DAB1: variants seen among roughly 807,000 people sequenced by gnomAD.
DAB1 encodes the protein DAB adaptor protein 1.
Under a neutral mutation model 64.6 loss-of-function variants are expected in DAB1, and 15 were observed. That is an observed-to-expected ratio of 0.23 (90% CI 0.16 to 0.36). The LOEUF is 0.36. Ranked by LOEUF, DAB1 falls within the 10% of genes least tolerant of loss-of-function variation. DAB1 has a pLI of 1.00. For synonymous variants in DAB1, 235 were observed against 251.9 expected (o/e 0.93, Z 0.64); for missense variants, 596 against 706.7 (o/e 0.84, Z 1.78).
At chr1:57,417,854 C>T (rs1684605561) in intron 1 of DAB1, among the ~76,000 whole-genome samples, 1 of 152,320 alleles carries the variant, frequency 6.6e-6, no homozygotes, top group African/African-American at 2.4e-5. Flanking sequence ...ATCCTTCATG[C>T]TTGCATGACT....
intron 5 of DAB1, among the ~76,000 whole-genome samples, chr1:57,892,106 G>C (rs1557540599): frequency 6.6e-6 from 1 of 152,070 alleles, no homozygotes; most frequent in Non-Finnish European, 1.5e-5. Flanking sequence ...GTATAAATTC[G>C]ATATTTAAAA....
intron 1 of DAB1, among the ~76,000 whole-genome samples, chr1:57,361,015 G>GC (rs974511918): frequency 7.9e-5 from 12 of 152,106 alleles, no homozygotes; most frequent in Middle Eastern, 3.4e-3. Context: ...TAGGAGAGAG[G>GC]CCCCCCTTTA....
At chr1:57,503,123 T>C (rs1570578575) in intron 7 of DAB1, among the ~76,000 whole-genome samples, 1 of 152,226 alleles carries the variant, frequency 6.6e-6, no homozygotes, top group South Asian at 2.1e-4. Flanking sequence ...CTCTTGCAGA[T>C]GAATGCTGCT....
chr1:58,300,648 GGA>G (rs1197437609), intron 4 of DAB1, among the ~76,000 whole-genome samples: 1,434 of 51,290 alleles, frequency 0.028, 70 homozygotes, highest in African/African-American at 0.075. Flanking sequence ...GAGAGAGAGA[GGA>G]AGGAAGGAAG....
At chr1:57,450,938 A>T (rs1686326320) in intron 7 of DAB1, among the ~76,000 whole-genome samples, 1 of 152,216 alleles carries the variant, frequency 6.6e-6, no homozygotes, top group African/African-American at 2.4e-5. Context: ...TCTCACAGTT[A>T]ACATGTGCAA....
At chr1:57,335,797 C>T (rs534557807) in intron 1 of DAB1, among the ~76,000 whole-genome samples, 3 of 152,312 alleles carry the variant, frequency 2.0e-5, no homozygotes, top group Admixed American at 2.0e-4. Context: ...ACCTTTTAGT[C>T]AATCTGGCCC....
intron 6 of DAB1, among the ~76,000 whole-genome samples, chr1:57,690,543 T>C (rs925689873): frequency 2.6e-5 from 4 of 152,320 alleles, no homozygotes; most frequent in Admixed American, 6.5e-5. Flanking sequence ...TCCCAAGCCA[T>C]GCTACTTGCA....
chr1:57,247,539 T>C (rs973556358), intron 2 of DAB1, among the ~76,000 whole-genome samples: 1 of 152,184 alleles, frequency 6.6e-6, no homozygotes, highest in East Asian at 1.9e-4. Context: ...CAGACTAATA[T>C]AAGCTCCTAT....
intron 2 of DAB1, among the ~76,000 whole-genome samples, chr1:58,516,917 G>A (rs1413038071): frequency 1.3e-5 from 2 of 152,168 alleles, no homozygotes; most frequent in Admixed American, 1.3e-4. Flanking sequence ...TGCTACAGAG[G>A]AAGCCAGGCT....
intron 5 of DAB1, among the ~76,000 whole-genome samples, chr1:58,127,838 T>TC (rs1653234530): frequency 3.3e-5 from 5 of 152,114 alleles, no homozygotes; most frequent in Non-Finnish European, 7.4e-5. Context: ...TTGGTACCAG[T>TC]ACCATGCTGT....
chr1:57,562,895 T>C (rs959828024), intron 7 of DAB1, among the ~76,000 whole-genome samples: 16 of 152,168 alleles, frequency 1.1e-4, no homozygotes, highest in African/African-American at 3.9e-4. Context: ...GCTGGGGTGA[T>C]TGACCCAGAC....
intron 4 of DAB1, among the ~76,000 whole-genome samples, chr1:58,170,619 CAG>C (rs1417720111): frequency 1.3e-5 from 2 of 152,142 alleles, no homozygotes; most frequent in Non-Finnish European, 2.9e-5. Context: ...CTTGGTGGTT[CAG>C]AGAGGACAGT....
chr1:57,573,622 T>C (rs79664997), intron 7 of DAB1, among the ~76,000 whole-genome samples: 1,815 of 152,304 alleles, frequency 0.012, 51 homozygotes, highest in African/African-American at 0.042. Context: ...TAACTATGTC[T>C]GATAAGTATT....
chr1:57,777,500 T>TA (rs1434324091), intron 6 of DAB1, among the ~76,000 whole-genome samples: 3 of 151,968 alleles, frequency 2.0e-5, no homozygotes, highest in African/African-American at 7.2e-5. Flanking sequence ...TTATTTTGGA[T>TA]AATTTTTATT....
chr1:57,777,171 A>G (rs1417697258), intron 6 of DAB1, among the ~76,000 whole-genome samples: 1 of 149,116 alleles, frequency 6.7e-6, no homozygotes, highest in East Asian at 1.9e-4. Flanking sequence ...GATTAAAAAA[A>G]ATCAGTGAAC....
rs959018946 is a variant in DAB1 at position 57,843,036 on chromosome 1, C to T, written n.88-16581G>A. Among the ~76,000 whole-genome samples, 3 of 152,306 alleles carry T rather than the reference C, an allele frequency of 2.0e-5. No homozygotes were observed. The South Asian group carries it at 6.2e-4, about 32-fold the overall frequency. ...GACTGGGAGCTGCAGCTCACTGCCACTGCCCAGCATCATAAGAGAGTATCA... is the reference window on the plus strand; with the variant it reads ...GACTGGGAGCTGCAGCTCACTGCCATTGCCCAGCATCATAAGAGAGTATCA... On this transcript the variant is annotated intron_variant and non_coding_transcript_variant, in intron 1 of 1. Coordinates refer to the DAB1 transcript ENST00000477280.
At chr1:57,441,485 G>T (rs1306318253) in intron 7 of DAB1, among the ~76,000 whole-genome samples, 1 of 151,786 alleles carries the variant, frequency 6.6e-6, no homozygotes, top group East Asian at 1.9e-4. Flanking sequence ...CCACCAAGTA[G>T]CTGGGACTAC....
intron 4 of DAB1, among the ~76,000 whole-genome samples, chr1:57,131,236 G>C (rs1657627655): frequency 6.6e-6 from 1 of 152,190 alleles, no homozygotes; most frequent in Admixed American, 6.5e-5. Context: ...CCAGAGTGCA[G>C]CCTGGGGGTC....
At chr1:57,911,140 A>C (rs191262194) in intron 5 of DAB1, among the ~76,000 whole-genome samples, 17 of 152,350 alleles carry the variant, frequency 1.1e-4, no homozygotes, top group Admixed American at 7.2e-4. Flanking sequence ...GGATTTTATG[A>C]AGAAAAGTGG....
Sources: gnomAD v4.1 joint callset for allele counts (sites outside exome capture counted in the v4.1 genomes callset) on GRCh38, gnomAD v4.1.1 for gene constraint, MANE v1.5 for transcripts, NCBI Gene and HGNC (gene_info 2026-07-23, HGNC 2026-07-21) for gene names.